The following COL23A1 variants were observed in gnomAD, a reference collection of about 807,000 sequenced individuals.
The protein encoded by COL23A1 is collagen type XXIII alpha 1 chain.
COL23A1 carries 97 observed loss-of-function variants against 99.3 expected under a neutral mutation model. The observed-to-expected ratio is 0.98, with a 90% confidence interval of 0.83 to 1.16. The LOEUF is 1.16. Among genes scored for constraint, COL23A1 ranks in the 50% most tolerant of loss-of-function variants. COL23A1 has a pLI of 0.00. For missense variants in COL23A1, 762 were observed against 757.4 expected (o/e 1.01, Z -0.07); for synonymous variants, 320 against 308.2 (o/e 1.04, Z -0.40).
At chr5:178,492,030 A>T (rs1757961046) in intron 2 of COL23A1, among the ~76,000 whole-genome samples, 1 of 152,226 alleles carries the variant, frequency 6.6e-6, no homozygotes, top group African/African-American at 2.4e-5. Flanking sequence ...CCACCACACC[A>T]GGCCAATTAT....
intron 2 of COL23A1, among the ~76,000 whole-genome samples, chr5:178,545,494 A>G (rs978899086): frequency 1.4e-4 from 22 of 152,262 alleles, no homozygotes; most frequent in Non-Finnish European, 3.1e-4. Context: ...AGGGGCGGGG[A>G]GGAACAAGAG....
intron 5 of COL23A1, among the ~76,000 whole-genome samples, chr5:178,285,951 C>T (rs1360658056): frequency 6.6e-6 from 1 of 152,214 alleles, no homozygotes; most frequent in Non-Finnish European, 1.5e-5. Context: ...TCTGCCCCAC[C>T]CTGTGGGTCT....
chr5:178,277,891 G>A (rs1317559210), intron 5 of COL23A1, among the ~76,000 whole-genome samples: 1 of 152,228 alleles, frequency 6.6e-6, no homozygotes, highest in East Asian at 1.9e-4. Flanking sequence ...AGAGAGGAAA[G>A]AGCTTGACCC....
chr5:178,484,162 G>A (rs888774728), intron 2 of COL23A1, among the ~76,000 whole-genome samples: 2 of 152,128 alleles, frequency 1.3e-5, no homozygotes, highest in Non-Finnish European at 2.9e-5. Context: ...GACCTCAGGT[G>A]ATCCGCCTAC....
intron 3 of COL23A1, among the ~76,000 whole-genome samples, chr5:178,297,209 G>A (rs1400009629): frequency 3.3e-5 from 5 of 152,228 alleles, no homozygotes; most frequent in South Asian, 2.1e-4. Flanking sequence ...AACCTTCCAC[G>A]ACTGTGACAT....
rs1222160421 is a variant in COL23A1, at chr5:178,428,058, A to G, written c.362-121139T>C. 2.6e-5 allele frequency among the ~76,000 whole-genome samples: 4 copies of G among 152,194 alleles called. No homozygotes were observed. The highest frequency in any genetic ancestry group is 4.2e-4 in the South Asian group (2 of 4,818). On this transcript the variant is annotated intron_variant, in intron 2 of 28. Coordinates refer to ENST00000390654, the MANE Select transcript of COL23A1 (RefSeq NM_173465.4). This position sits in a 1 kb window ranked among gnomAD's most constrained non-coding sequence, Gnocchi z 5.0. ...GGGAGGAAGGAGTATTAGGAAGCCA[A>G]TTTGGCTCTGGTCCAAGCCCTCTCC...
In COL23A1 at chr5:178,238,106, G is replaced by A. The variant is rs1764207856; in HGVS notation, c.*592C>T. ...TCTCATGGCAGGCTGGCCTCCTGAG[G>A]CCTCCTGAATGTGGTAGAGCTAGAC... On this transcript the variant is annotated 3_prime_UTR_variant, in exon 29 of 29. Coordinates refer to ENST00000390654, the MANE Select transcript of COL23A1 (RefSeq NM_173465.4). The A allele has an allele frequency of 6.5e-6, 1 of 153,366 alleles. No homozygotes were observed. Among genetic ancestry groups the A allele is most frequent in the Admixed American group, 6.5e-5 (1 of 15,340 alleles). 9.5% of individuals were successfully genotyped at this position (153,366 alleles called of 1,614,324 possible).
At chr5:178,471,150 A>G (rs1756726003) in intron 2 of COL23A1, among the ~76,000 whole-genome samples, 1 of 152,216 alleles carries the variant, frequency 6.6e-6, no homozygotes, top group Non-Finnish European at 1.5e-5. Flanking sequence ...AGAGAGAGTT[A>G]CTCAGGAAGC....
intron 2 of COL23A1, among the ~76,000 whole-genome samples, chr5:178,358,892 T>A (rs553178239): frequency 8.1e-4 from 124 of 152,288 alleles, no homozygotes; most frequent in African/African-American, 2.8e-3. Context: ...TGAAAACAAT[T>A]TAAAAATAAA....
chr5:178,300,735 A>ATTTAT lies in COL23A1; in HGVS notation c.406+6139_406+6140insATAAA, dbSNP rs1554134211. Among the ~76,000 whole-genome samples, 101 of 150,472 alleles carry ATTTAT rather than the reference A, an allele frequency of 6.7e-4. 1 individual carries two copies. The highest frequency in any genetic ancestry group is 2.4e-3 in the African/African-American group (98 of 40,894). On this transcript the variant is annotated intron_variant, in intron 3 of 28. Coordinates refer to ENST00000390654, the MANE Select transcript of COL23A1 (RefSeq NM_173465.4). ...GGCTAGCTTTTGTATTTATTTATTTATTTTTTTTAGTAGAGATGGGATTTC... is the reference window on the plus strand; with the variant it reads ...GGCTAGCTTTTGTATTTATTTATTTATTTATTTTTTTTTAGTAGAGATGGGATTTC...
chr5:178,583,953 A>G (rs1157023333), intron 1 of COL23A1, among the ~76,000 whole-genome samples: 1 of 152,070 alleles, frequency 6.6e-6, no homozygotes, highest in Non-Finnish European at 1.5e-5. Context: ...AACCTTAAAC[A>G]CCTGGGCTCG....
chr5:178,291,778 G>C (rs115183967), intron 3 of COL23A1, among the ~76,000 whole-genome samples: 1,681 of 152,200 alleles, frequency 0.011, 36 homozygotes, highest in African/African-American at 0.039. Context: ...ATGTTGGTCA[G>C]GGGAGAGATG....
intron 10 of COL23A1, 32 bp downstream of exon 10, chr5:178,262,185 G>A: frequency 6.4e-7 from 1 of 1,568,518 alleles, no homozygotes. Flanking sequence ...GATCCTAGCA[G>A]CCCAGGCCTC....
chr5:178,474,918 G>C (rs532818517), intron 2 of COL23A1, among the ~76,000 whole-genome samples: 1 of 152,180 alleles, frequency 6.6e-6, no homozygotes, highest in South Asian at 2.1e-4. Flanking sequence ...CAAAGTGTGG[G>C]CAGGGCCCCA....
chr5:178,581,565 C>CAA (rs200146446), intron 1 of COL23A1, among the ~76,000 whole-genome samples: 11 of 110,710 alleles, frequency 9.9e-5, no homozygotes, highest in Admixed American at 2.0e-4. Context: ...GATTCCGTCT[C>CAA]AAAAAAAAAA....
chr5:178,578,706 T>A (rs1360778562), intron 1 of COL23A1, among the ~76,000 whole-genome samples: 1 of 114,276 alleles, frequency 8.8e-6, no homozygotes, highest in African/African-American at 3.4e-5. Context: ...ATCAGGAGAA[T>A]AGATTTTCTC....
chr5:178,585,950 T>G (rs1581689674), intron 1 of COL23A1, among the ~76,000 whole-genome samples: 1 of 152,198 alleles, frequency 6.6e-6, no homozygotes, highest in Non-Finnish European at 1.5e-5. Flanking sequence ...TGCCGAAAGG[T>G]GGGAAAGTTT....
chr5:178,582,939 G>C (rs983509837), intron 1 of COL23A1, among the ~76,000 whole-genome samples: 1 of 152,198 alleles, frequency 6.6e-6, no homozygotes, highest in Non-Finnish European at 1.5e-5. Context: ...CCACACACAG[G>C]GTTCGCAGAC....
chr5:178,535,155 G>A lies in COL23A1; in HGVS notation c.361+25527C>T, dbSNP rs552726461. On this transcript the variant is annotated intron_variant, in intron 2 of 28. Coordinates refer to ENST00000390654, the MANE Select transcript of COL23A1 (RefSeq NM_173465.4). ...ACCCGGCTAATTTTTTGTATTTTTA[G>A]CAGAGACAGGGTTTCACCATGTTGA... 2.6e-5 allele frequency among the ~76,000 whole-genome samples: 4 copies of A among 151,936 alleles called. No individual in the cohort carries two copies. In the East Asian group the frequency reaches 7.8e-4, roughly 30 times the overall value.
Sources: gnomAD v4.1 joint callset for allele counts (sites outside exome capture counted in the v4.1 genomes callset) on GRCh38, gnomAD v4.1.1 for gene constraint, Gnocchi (gnomAD v3.1) non-coding constraint, MANE v1.5 for transcripts, NCBI Gene and HGNC (gene_info 2026-07-23, HGNC 2026-07-21) for gene names.